The following NIPAL2 variants were observed in gnomAD, a reference collection of about 807,000 sequenced individuals.
The protein encoded by NIPAL2 is NIPA-like protein 2.
A neutral mutation model predicts 48.9 loss-of-function variants in NIPAL2; 43 were observed. That is an observed-to-expected ratio of 0.88 (90% CI 0.69 to 1.13). The LOEUF (loss-of-function observed/expected upper bound fraction) is 1.13, where lower values mean the gene tolerates loss of function less well. NIPAL2 is among the 50% of genes most tolerant of loss of function. The probability of loss-of-function intolerance (pLI) is 0.00; values close to 1 mark genes in which losing one functional copy is unlikely to be tolerated. For synonymous variants in NIPAL2, 167 were observed against 174.6 expected, an observed-to-expected ratio of 0.96 and a Z score of 0.34; for missense variants, 446 against 461.4, an observed-to-expected ratio of 0.97 and a Z score of 0.31.
At chr8:98,212,835 A>G (rs1471322147) in intron 5 of NIPAL2, among the ~76,000 whole-genome samples, 2 of 151,978 alleles carry the variant, frequency 1.3e-5, no homozygotes, top group African/African-American at 4.8e-5. Flanking sequence ...TAGATTCCCT[A>G]CCTTCCCAGC....
chr8:98,203,038 T>C, intron 8 of NIPAL2, 70 bp downstream of exon 8: 1 of 1,190,792 alleles, frequency 8.4e-7, no homozygotes, highest in South Asian at 1.2e-5. Flanking sequence ...ATTTCTGGAT[T>C]CTCTCATTTA....
intron 1 of NIPAL2, among the ~76,000 whole-genome samples, chr8:98,264,912 G>A (rs1338319248): frequency 1.3e-5 from 2 of 150,896 alleles, no homozygotes; most frequent in Non-Finnish European, 3.0e-5. Context: ...AAAACAGCAT[G>A]GTACTGGTAC....
chr8:98,237,039 G>C lies in NIPAL2; in HGVS notation c.377-825C>G, dbSNP rs117224309. Among the ~76,000 whole-genome samples, 965 of 151,756 alleles carry C rather than the reference G, an allele frequency of 6.4e-3. 6 individuals carry two copies. Among genetic ancestry groups the C allele is most frequent in the Middle Eastern group, 0.034 (10 of 294 alleles). Reference sequence around the variant, plus strand: ...ACGATCCACATCCAACAGGTCACTGGGTCTAAATCTATAGTCCACTCTATT... The same window carrying C: ...ACGATCCACATCCAACAGGTCACTGCGTCTAAATCTATAGTCCACTCTATT... On this transcript the variant is annotated intron_variant, in intron 3 of 10. Coordinates refer to ENST00000430223, the MANE Select transcript of NIPAL2 (RefSeq NM_001321635.2).
At chr8:98,283,177 A>T (rs949371793) in intron 1 of NIPAL2, among the ~76,000 whole-genome samples, 5 of 152,362 alleles carry the variant, frequency 3.3e-5, no homozygotes, top group East Asian at 3.9e-4. Flanking sequence ...ATTTATTTAT[A>T]TAATTGTACA....
intron 5 of NIPAL2, among the ~76,000 whole-genome samples, chr8:98,214,673 T>G (rs1299280233): frequency 6.6e-6 from 1 of 152,158 alleles, no homozygotes; most frequent in East Asian, 1.9e-4. Flanking sequence ...AGGGTTTGCT[T>G]GTGGGTTTGT....
chr8:98,290,453 A>T (rs1563563518), intron 1 of NIPAL2, among the ~76,000 whole-genome samples: 1 of 152,154 alleles, frequency 6.6e-6, no homozygotes, highest in African/African-American at 2.4e-5. Flanking sequence ...CCTTCTCATT[A>T]TTTCCCACAT....
intron 1 of NIPAL2, among the ~76,000 whole-genome samples, chr8:98,277,063 C>G (rs984332196): frequency 2.0e-5 from 3 of 152,042 alleles, no homozygotes; most frequent in Non-Finnish European, 4.4e-5. Flanking sequence ...AGCCAGTATA[C>G]CCAGCCCATG....
At chr8:98,278,228 G>A (rs1441995988) in intron 1 of NIPAL2, among the ~76,000 whole-genome samples, 2 of 143,196 alleles carry the variant, frequency 1.4e-5, no homozygotes, top group Non-Finnish European at 3.2e-5. Context: ...ATGGTTTTTT[G>A]TTTGTTTGTT....
chr8:98,253,434 A>T (rs1298249915), intron 2 of NIPAL2, among the ~76,000 whole-genome samples: 1 of 152,198 alleles, frequency 6.6e-6, no homozygotes, highest in East Asian at 1.9e-4. Context: ...ATGATTTAAA[A>T]TTTTTTATTT....
rs879614319 is a variant in NIPAL2 at position 98,263,259 on chromosome 8, G to C, written c.136-9172C>G. On this transcript the variant is annotated intron_variant, in intron 1 of 10. Transcript: ENST00000430223. Reference sequence around the variant, plus strand: ...CAAACACATTCAAAAGCTAGCAGAAGGCAAGAAATAACTAAAATCAGAGCA... The same window carrying C: ...CAAACACATTCAAAAGCTAGCAGAACGCAAGAAATAACTAAAATCAGAGCA... Among the ~76,000 whole-genome samples the C allele has an allele frequency of 2.8e-3, 401 of 141,482 alleles. 1 individual carries two copies. Among genetic ancestry groups the C allele is most frequent in the South Asian group, 0.011 (45 of 4,126 alleles). The allele number at this position is 141,482 out of a possible 152,430, so 92.8% of individuals were successfully genotyped here.
chr8:98,276,836 G>T (rs886586691), intron 1 of NIPAL2, among the ~76,000 whole-genome samples: 1 of 150,120 alleles, frequency 6.7e-6, no homozygotes, highest in South Asian at 2.1e-4. Context: ...GCAGTTGCGC[G>T]ATCTTGGCTC....
At chr8:98,198,037 A>G (rs1162994118) in intron 8 of NIPAL2, among the ~76,000 whole-genome samples, 1 of 152,246 alleles carries the variant, frequency 6.6e-6, no homozygotes, top group Admixed American at 6.5e-5. Context: ...ATCATTATCT[A>G]TGACAGCTAC....
intron 3 of NIPAL2, among the ~76,000 whole-genome samples, chr8:98,237,795 T>A (rs1812793203): frequency 1.3e-5 from 2 of 152,224 alleles, no homozygotes; most frequent in South Asian, 4.1e-4. Context: ...CACCTCTGGA[T>A]TCCCCTGGGC....
At chr8:98,243,080 T>C (rs765802396) in intron 3 of NIPAL2, among the ~76,000 whole-genome samples, 1 of 152,158 alleles carries the variant, frequency 6.6e-6, no homozygotes, top group Non-Finnish European at 1.5e-5. Context: ...CATGCAACCT[T>C]CTTCTAGTGT....
At chr8:98,242,488 A>ATTTTTTTGTTTTT (rs1813041073) in intron 3 of NIPAL2, among the ~76,000 whole-genome samples, 2 of 117,768 alleles carry the variant, frequency 1.7e-5, no homozygotes, top group African/African-American at 3.3e-5. Context: ...CACCTGACAG[A>ATTTTTTTGTTTTT]TTTTTTTTTT....
chr8:98,249,054 C>A (rs1283091374), intron 3 of NIPAL2, among the ~76,000 whole-genome samples: 3 of 152,080 alleles, frequency 2.0e-5, no homozygotes, highest in Non-Finnish European at 4.4e-5. Flanking sequence ...GAACTGCTGT[C>A]CCTTGAGATA....
intron 5 of NIPAL2, among the ~76,000 whole-genome samples, chr8:98,215,002 C>A (rs571711852): frequency 6.0e-4 from 91 of 152,346 alleles, no homozygotes; most frequent in African/African-American, 2.1e-3. Context: ...CTCCCCTCAA[C>A]CACAGGCTTC....
At chr8:98,210,069 A>T (rs1563489860) in intron 6 of NIPAL2, among the ~76,000 whole-genome samples, 2 of 151,962 alleles carry the variant, frequency 1.3e-5, no homozygotes, top group Non-Finnish European at 1.5e-5. Flanking sequence ...CTATTTTATT[A>T]GTTGTCTTTT....
At position 98,232,139 on chromosome 8, in the gene NIPAL2, G is replaced by T. The variant is rs144011022; in HGVS notation, c.436+4016C>A. 6.9e-3 allele frequency among the ~76,000 whole-genome samples: 1,050 copies of T among 152,238 alleles called. 15 individuals are homozygous for T. The highest frequency in any genetic ancestry group is 0.024 in the African/African-American group (1,001 of 41,540). On this transcript the variant is annotated intron_variant, in intron 4 of 10. Coordinates refer to ENST00000430223, the MANE Select transcript of NIPAL2 (RefSeq NM_001321635.2). ...GGGAAAAGTCCTTCCTTGGACTTCC[G>T]TAAATATGAAGTGGGTTACGACATC...
Sources: allele counts gnomAD v4.1 joint callset (sites outside exome capture counted in the v4.1 genomes callset), GRCh38; gene constraint gnomAD v4.1.1; transcripts MANE v1.5; gene names NCBI Gene and HGNC (gene_info 2026-07-23, HGNC 2026-07-21).